Variants in PRLR observed in about 807,000 individuals in gnomAD.
The protein encoded by PRLR is hPRL receptor.
A neutral mutation model predicts 40.2 loss-of-function variants in PRLR; 13 were observed. That is an observed-to-expected ratio of 0.32 (90% confidence interval 0.21 to 0.51). The LOEUF is 0.51. Ranked by LOEUF, PRLR falls within the 20% of genes least tolerant of loss-of-function variation. The pLI, the probability that PRLR is intolerant of heterozygous loss-of-function variation, is 0.97. For missense variants in PRLR, 656 were observed against 747.3 expected (o/e 0.88, Z 1.42); for synonymous variants, 269 against 278.7 (o/e 0.97, Z 0.35).
intron 1 of PRLR, among the ~76,000 whole-genome samples, chr5:35,229,967 T>C (rs1305615631): frequency 6.6e-6 from 1 of 152,212 alleles, no homozygotes; most frequent in Non-Finnish European, 1.5e-5. Flanking sequence ...CAAAGGCGAA[T>C]GCGAGCCGAG....
At chr5:35,186,145 T>C (rs1775423460) in intron 1 of PRLR, among the ~76,000 whole-genome samples, 1 of 152,040 alleles carries the variant, frequency 6.6e-6, no homozygotes, top group Admixed American at 6.5e-5. Context: ...AAAGACTTTG[T>C]ATGAAAAAGG....
intron 5 of PRLR, among the ~76,000 whole-genome samples, chr5:35,080,587 G>A (rs1160578600): frequency 6.6e-6 from 1 of 152,180 alleles, no homozygotes; most frequent in Non-Finnish European, 1.5e-5. Flanking sequence ...CTTTTACACT[G>A]TTGGTGGGAC....
intron 1 of PRLR, among the ~76,000 whole-genome samples, chr5:35,169,833 C>T (rs1774947591): frequency 1.3e-5 from 2 of 152,136 alleles, no homozygotes; most frequent in Admixed American, 1.3e-4. Flanking sequence ...ATATAGATCT[C>T]TCTAGGTGGC....
At chr5:35,158,702 T>C (rs1362561519) in intron 1 of PRLR, among the ~76,000 whole-genome samples, 1 of 152,022 alleles carries the variant, frequency 6.6e-6, no homozygotes, top group East Asian at 1.9e-4. Flanking sequence ...GCAAGGACGG[T>C]GGCTTCTTTT....
At chr5:35,126,279 T>C (rs923127347) in intron 1 of PRLR, among the ~76,000 whole-genome samples, 3 of 151,426 alleles carry the variant, frequency 2.0e-5, no homozygotes, top group East Asian at 3.9e-4. Flanking sequence ...GTAGTTTCTT[T>C]TGGTCTCCAT....
intron 1 of PRLR, among the ~76,000 whole-genome samples, chr5:35,146,335 C>G (rs575705864): frequency 6.6e-6 from 1 of 152,262 alleles, no homozygotes; most frequent in South Asian, 2.1e-4. Flanking sequence ...CAGATTTGTA[C>G]GTGTACTCTT....
At chr5:35,229,632 G>C (rs549271447) in intron 1 of PRLR, among the ~76,000 whole-genome samples, 18 of 152,116 alleles carry the variant, frequency 1.2e-4, no homozygotes, top group Admixed American at 5.9e-4. Flanking sequence ...CTGCCTAGGT[G>C]CCTCCGTCCA....
intron 2 of PRLR, among the ~76,000 whole-genome samples, chr5:35,108,006 C>A (rs562639721): frequency 1.3e-5 from 2 of 152,278 alleles, no homozygotes; most frequent in Non-Finnish European, 2.9e-5. Flanking sequence ...TCCAGCAGCA[C>A]ATCAAAAAGC....
chr5:35,194,010 G>A (rs1775672816), intron 1 of PRLR, among the ~76,000 whole-genome samples: 1 of 152,136 alleles, frequency 6.6e-6, no homozygotes, highest in Non-Finnish European at 1.5e-5. Flanking sequence ...AGGCAGAGAT[G>A]GTGGCAAAGT....
intron 1 of PRLR, among the ~76,000 whole-genome samples, chr5:35,192,665 T>C (rs1301495945): frequency 6.6e-6 from 1 of 152,218 alleles, no homozygotes; most frequent in South Asian, 2.1e-4. Flanking sequence ...GTCCCTTCCA[T>C]GTAGCACAAA....
At chr5:35,156,879 A>G (rs1579743032) in intron 1 of PRLR, among the ~76,000 whole-genome samples, 1 of 152,098 alleles carries the variant, frequency 6.6e-6, no homozygotes, top group Admixed American at 6.5e-5. Context: ...ATGAAACCTC[A>G]TGGAAGAATT....
At position 35,146,942 on chromosome 5, in the gene PRLR, C is replaced by A. The variant is rs140000180; in HGVS notation, c.-105-28820G>T. ...TGGGTTGGGAACAGGAATCTACCCA[C>A]TTCACCACACACACACATACACACA... is the stretch of plus-strand genomic sequence containing the variant. On this transcript the variant is annotated intron_variant, in intron 1 of 9. Coordinates refer to ENST00000618457, the MANE Select transcript of PRLR (RefSeq NM_000949.7). Among the ~76,000 whole-genome samples the A allele has an allele frequency of 5.1e-3, 782 of 152,146 alleles. 6 individuals are homozygous for A. Among genetic ancestry groups the A allele is most frequent in the African/African-American group, 0.018 (731 of 41,518 alleles).
Position 35,072,587 on chromosome 5 carries a change from T to C in PRLR, c.531A>G (p.Ala177=), listed in dbSNP as rs765561168. 1 of 1,613,996 alleles carries C rather than the reference T, an allele frequency of 6.2e-7. No individual in the cohort carries two copies. Among genetic ancestry groups the C allele is most frequent in the Non-Finnish European group, 8.5e-7 (1 of 1,179,954 alleles). The change falls in exon 6 of 10, where the codon GCA becomes GCG. Residue 177 remains alanine, a synonymous_variant. Transcript: ENST00000618457. ...LYEIRLKPEK[A]AEWEIHFAGQ... ...ATGGATCACTCACCTCCCACTCAGC[T>C]GCTTTCTCGGGTTTTAATCGAATTT... is the stretch of plus-strand genomic sequence containing the variant.
chr5:35,129,788 G>A (rs1199620027), intron 1 of PRLR, among the ~76,000 whole-genome samples: 1 of 151,606 alleles, frequency 6.6e-6, no homozygotes. Context: ...TTCCCTAAAA[G>A]TGCCAAGCAG....
intron 1 of PRLR, among the ~76,000 whole-genome samples, chr5:35,122,908 A>T (rs1371674485): frequency 6.6e-6 from 1 of 152,202 alleles, no homozygotes; most frequent in Non-Finnish European, 1.5e-5. Context: ...TGAGATTGAG[A>T]TGGAGACAGA....
intron 1 of PRLR, among the ~76,000 whole-genome samples, chr5:35,192,254 C>T (rs922076841): frequency 1.3e-5 from 2 of 152,128 alleles, no homozygotes; most frequent in African/African-American, 2.4e-5. Context: ...ACATTACAAA[C>T]AATTAGGGCA....
intron 1 of PRLR, among the ~76,000 whole-genome samples, chr5:35,223,161 T>C (rs1044887793): frequency 6.6e-6 from 1 of 152,244 alleles, no homozygotes; most frequent in Non-Finnish European, 1.5e-5. Flanking sequence ...ATATACAGTT[T>C]CTACAAATTA....
intron 1 of PRLR, among the ~76,000 whole-genome samples, chr5:35,192,301 T>C (rs1001138188): frequency 6.6e-6 from 1 of 152,238 alleles, no homozygotes; most frequent in Non-Finnish European, 1.5e-5. Context: ...TGTTCTTTAA[T>C]GTCCCTGGAA....
rs1773227728 is a variant in PRLR, at chr5:35,119,950, G to A, written c.-105-1828C>T. On this transcript the variant is annotated intron_variant, in intron 1 of 9. Coordinates refer to ENST00000618457, the MANE Select transcript of PRLR (RefSeq NM_000949.7). ...AAACACTTATTGAGTGACAGGCCCT[G>A]GGCCCACTTGGTCCATTCATCTACT... 1.3e-5 allele frequency among the ~76,000 whole-genome samples: 2 copies of A among 152,138 alleles called. 1 individual carries two copies.
Sources: gnomAD v4.1 joint callset for allele counts (sites outside exome capture counted in the v4.1 genomes callset) on GRCh38, gnomAD v4.1.1 for gene constraint, MANE v1.5 for transcripts, NCBI Gene and HGNC (gene_info 2026-07-23, HGNC 2026-07-21) for gene names.